The following SND1 variants were observed in gnomAD, a reference collection of about 807,000 sequenced individuals.
SND1 encodes staphylococcal nuclease and tudor domain containing 1, also known as staphylococcal nuclease domain-containing protein 1.
In SND1, 38 loss-of-function variants were observed where a neutral mutation model predicts 121.7. The ratio of observed to expected loss-of-function variants is 0.31; its 90% confidence interval spans 0.24 to 0.41. The LOEUF (loss-of-function observed/expected upper bound fraction) is 0.41, where lower values mean the gene tolerates loss of function less well. SND1 is among the 10% of genes least tolerant of loss of function. SND1 has a pLI of 1.00. For synonymous variants in SND1, 401 were observed against 447.4 expected (o/e 0.90, Z 1.31); for missense variants, 868 against 1,184.6 (o/e 0.73, Z 3.92).
At chr7:127,675,249 C>G (rs1390611565) in intron 1 of SND1, among the ~76,000 whole-genome samples, 1 of 152,038 alleles carries the variant, frequency 6.6e-6, no homozygotes, top group Non-Finnish European at 1.5e-5. Context: ...AAACATGTTT[C>G]TTCACTAGAG....
At chr7:127,731,867 C>T (rs1796682168) in intron 10 of SND1, among the ~76,000 whole-genome samples, 1 of 152,224 alleles carries the variant, frequency 6.6e-6, no homozygotes, top group African/African-American at 2.4e-5. Flanking sequence ...GTACCTGATA[C>T]CGTAGACGGA....
chr7:128,015,782 T>C lies in SND1; in HGVS notation c.1779+24726T>C, dbSNP rs183874823. The stretch of plus-strand genomic sequence containing the variant: ...CTGGCTTCTTGGTGAGCAGCAGAAA[T>C]TTGGAGCTGTACAGGAATCAGATGT... On this transcript the variant is annotated intron_variant, in intron 16 of 23. Transcript: ENST00000354725. This position sits in a 1 kb window ranked among gnomAD's most constrained non-coding sequence, Gnocchi z 4.5. 1.2e-3 allele frequency among the ~76,000 whole-genome samples: 183 copies of C among 152,208 alleles called. No homozygotes were observed. The highest frequency in any genetic ancestry group is 1.4e-3 in the Non-Finnish European group (97 of 68,008).
chr7:127,731,596 C>T (rs1796677696), intron 10 of SND1, among the ~76,000 whole-genome samples: 1 of 152,140 alleles, frequency 6.6e-6, no homozygotes, highest in Non-Finnish European at 1.5e-5. Flanking sequence ...CCCAGTCTTC[C>T]CTCAGAGGAC....
At chr7:128,036,073 A>G (rs1178769033) in intron 16 of SND1, among the ~76,000 whole-genome samples, 1 of 152,272 alleles carries the variant, frequency 6.6e-6, no homozygotes, top group African/African-American at 2.4e-5. Context: ...ACTAGAAAGA[A>G]AAAAGTAGTA....
intron 12 of SND1, among the ~76,000 whole-genome samples, chr7:127,880,716 GGTGTGTGT>G (rs10655402): frequency 6.7e-6 from 1 of 149,512 alleles, no homozygotes; most frequent in African/African-American, 2.5e-5. Flanking sequence ...AGAATGCAGG[GGTGTGTGT>G]GTGTGTGTGT....
intron 12 of SND1, among the ~76,000 whole-genome samples, chr7:127,848,214 C>G (rs1205765336): frequency 6.6e-6 from 1 of 152,226 alleles, no homozygotes; most frequent in Non-Finnish European, 1.5e-5. Flanking sequence ...TAGAGGTGAA[C>G]TGGGTTGAGC....
chr7:127,998,679 G>A (rs1272437848), intron 16 of SND1: 1 of 152,266 alleles, frequency 6.6e-6, no homozygotes, highest in Admixed American at 6.5e-5. Flanking sequence ...AGAGAGAAGA[G>A]AGGGCCCTCA....
intron 8 of SND1, among the ~76,000 whole-genome samples, chr7:127,706,911 T>C (rs1386899577): frequency 2.0e-5 from 3 of 152,254 alleles, no homozygotes; most frequent in African/African-American, 7.2e-5. Context: ...TCACTGCACA[T>C]GTATCCACTT....
At chr7:127,754,622 A>C (rs1797161146) in intron 10 of SND1, among the ~76,000 whole-genome samples, 1 of 152,174 alleles carries the variant, frequency 6.6e-6, no homozygotes, top group South Asian at 2.1e-4. Flanking sequence ...TCCCAAATCC[A>C]CCAGGCCAGG....
chr7:127,933,973 A>G (rs1230753120), intron 15 of SND1, among the ~76,000 whole-genome samples: 2 of 152,216 alleles, frequency 1.3e-5, no homozygotes, highest in African/African-American at 4.8e-5. Flanking sequence ...AGTCCTAGGT[A>G]TCAGGAAACA....
intron 10 of SND1, among the ~76,000 whole-genome samples, chr7:127,725,871 G>A (rs1358201875): frequency 1.3e-5 from 2 of 152,116 alleles, no homozygotes; most frequent in Non-Finnish European, 2.9e-5. Context: ...TCTAGGGCGG[G>A]CCTCCACTGC....
At chr7:127,913,715 A>T (rs902744112) in intron 14 of SND1, among the ~76,000 whole-genome samples, 1 of 152,176 alleles carries the variant, frequency 6.6e-6, no homozygotes, top group Non-Finnish European at 1.5e-5. Context: ...GATCTGTCCC[A>T]TGGCTGCTGA....
Position 128,029,204 on chromosome 7 carries a change from C to A in SND1, c.1779+38148C>A, listed in dbSNP as rs1416147591. The A allele has an allele frequency of 6.2e-6, 10 of 1,613,994 alleles. No homozygotes were observed. The South Asian group carries it at 9.9e-5, about 16-fold the overall frequency. On this transcript the variant is annotated intron_variant, in intron 16 of 23. Coordinates refer to ENST00000354725, the MANE Select transcript of SND1 (RefSeq NM_014390.4). This position sits in a 1 kb window ranked among gnomAD's most constrained non-coding sequence, Gnocchi z 4.2. Reference sequence around the variant, plus strand: ...TATATGCCGGCTGGTAACCAGTGGACGTGGTAGGAACAGGCTTGTACTTTC... The same window carrying A: ...TATATGCCGGCTGGTAACCAGTGGAAGTGGTAGGAACAGGCTTGTACTTTC...
intron 15 of SND1, among the ~76,000 whole-genome samples, chr7:127,951,978 C>A (rs1037390231): frequency 6.6e-6 from 1 of 152,116 alleles, no homozygotes; most frequent in African/African-American, 2.4e-5. Flanking sequence ...AGTTTTAATA[C>A]CACTTTTTCC....
chr7:127,761,918 G>T (rs896476582), intron 10 of SND1, among the ~76,000 whole-genome samples: 2 of 152,158 alleles, frequency 1.3e-5, no homozygotes, highest in Non-Finnish European at 2.9e-5. Context: ...GCATGCTCAA[G>T]AACTGTATTC....
intron 21 of SND1, among the ~76,000 whole-genome samples, chr7:128,089,277 C>T (rs978724313): frequency 6.6e-6 from 1 of 152,050 alleles, no homozygotes; most frequent in Non-Finnish European, 1.5e-5. Flanking sequence ...TGGTCGCCAA[C>T]TCCTGGCCTC....
intron 16 of SND1, among the ~76,000 whole-genome samples, chr7:128,000,721 G>C (rs1475596646): frequency 3.3e-5 from 5 of 152,138 alleles, no homozygotes; most frequent in Non-Finnish European, 7.3e-5. Flanking sequence ...AGGCCTCCCT[G>C]TTCCGTTTGT....
In SND1 at chr7:127,994,878, AT is replaced by A. The variant is rs574116167; in HGVS notation, c.1779+3833del. Among the ~76,000 whole-genome samples, 884 of 146,976 alleles carry A rather than the reference AT, an allele frequency of 6.0e-3. 5 individuals are homozygous for A. Among genetic ancestry groups the A allele is most frequent in the South Asian group, 0.033 (155 of 4,636 alleles). On this transcript the variant is annotated intron_variant, in intron 16 of 23. Coordinates refer to ENST00000354725, the MANE Select transcript of SND1 (RefSeq NM_014390.4). The stretch of plus-strand genomic sequence containing the variant: ...AGGCCTGCACCACCATGCTCGGCTA[AT>A]TTTTTTTTTTGTTTTTGTATTTTTA...
At chr7:127,740,794 G>T (rs1353454266) in intron 10 of SND1, among the ~76,000 whole-genome samples, 1 of 152,170 alleles carries the variant, frequency 6.6e-6, no homozygotes, top group Non-Finnish European at 1.5e-5. Flanking sequence ...GGTGTCTGTG[G>T]TAGAAGTGGA....
Sources: allele counts gnomAD v4.1 joint callset (sites outside exome capture counted in the v4.1 genomes callset), GRCh38; gene constraint gnomAD v4.1.1; non-coding constraint Gnocchi (gnomAD v3.1); transcripts MANE v1.5; gene names NCBI Gene and HGNC (gene_info 2026-07-23, HGNC 2026-07-21).